The following PRC1 variants were observed in gnomAD, a reference collection of about 807,000 sequenced individuals.
PRC1 encodes the protein anaphase spindle elongation 1 homolog.
In PRC1, 54 loss-of-function variants were observed where a neutral mutation model predicts 91.2. The ratio of observed to expected loss-of-function variants is 0.59; its 90% CI spans 0.48 to 0.74. The LOEUF (loss-of-function observed/expected upper bound fraction) is 0.74. Among genes scored for constraint, PRC1 ranks in the 30% least tolerant of loss-of-function variants. The pLI, the probability that PRC1 is intolerant of heterozygous loss-of-function variation, is 0.00. For synonymous variants in PRC1, 275 were observed against 263.6 expected, an observed-to-expected ratio of 1.04 and a Z score of -0.42; for missense variants, 727 against 746.2, an observed-to-expected ratio of 0.97 and a Z score of 0.30.
intron 14 of PRC1, chr15:90,968,010 A>AAGAT: frequency 1.0e-6 from 1 of 985,234 alleles, no homozygotes; most frequent in Non-Finnish European, 1.2e-6. Context: ...AGAGCAGCAA[A>AAGAT]AGATAAAGCA....
chr15:90,979,660 C>G (rs1462961325), intron 7 of PRC1, among the ~76,000 whole-genome samples: 1 of 152,172 alleles, frequency 6.6e-6, no homozygotes, highest in African/African-American at 2.4e-5. Flanking sequence ...GTTGGGGTAG[C>G]TCCATCTTTA....
At chr15:90,975,868 G>A (rs1273303364) in intron 9 of PRC1, among the ~76,000 whole-genome samples, 2 of 152,104 alleles carry the variant, frequency 1.3e-5, no homozygotes, top group South Asian at 4.1e-4. Flanking sequence ...CATTAGGTGG[G>A]CCCTAATCTC....
At chr15:90,991,178 G>A in intron 1 of PRC1, among the ~76,000 whole-genome samples, 1 of 151,844 alleles carries the variant, frequency 6.6e-6, no homozygotes. Flanking sequence ...CACTTTGGGA[G>A]GCCAAGGCGG....
intron 1 of PRC1, among the ~76,000 whole-genome samples, chr15:90,985,564 C>CT (rs71154157): frequency 0.019 from 2,502 of 135,064 alleles, 46 homozygotes; most frequent in Non-Finnish European, 0.029. Flanking sequence ...TTTTTATTTT[C>CT]TTTTTTTTTT....
At chr15:90,982,723 G>C (rs1012593948) in intron 3 of PRC1, 3 of 152,296 alleles carry the variant, frequency 2.0e-5, no homozygotes, top group Non-Finnish European at 4.4e-5. Flanking sequence ...CTCCTGCCTG[G>C]ACAACACAGC....
intron 14 of PRC1, chr15:90,968,714 G>A: frequency 1.8e-6 from 2 of 1,107,838 alleles, no homozygotes; most frequent in Non-Finnish European, 2.2e-6. Context: ...CAGGCCAAGA[G>A]CCTCATTGTA....
chr15:90,966,872 G>C lies in PRC1; in HGVS notation c.*259C>G. On this transcript the variant is annotated 3_prime_UTR_variant, in exon 15 of 15. Coordinates refer to ENST00000394249, the MANE Select transcript of PRC1 (RefSeq NM_003981.4). ...GTAGAATTATGTGGTAGAGAAGTCAGGCCCCATATGCTAAAATTTGCACTT... is the reference window on the plus strand; with the variant it reads ...GTAGAATTATGTGGTAGAGAAGTCACGCCCCATATGCTAAAATTTGCACTT... The C allele has an allele frequency of 1.9e-6, 1 of 537,124 alleles. No homozygotes were observed. Among genetic ancestry groups the C allele is most frequent in the Non-Finnish European group, 3.3e-6 (1 of 298,634 alleles). 33.3% of individuals were successfully genotyped at this position (537,124 alleles called of 1,614,324 possible).
Position 90,969,112 on chromosome 15 carries a change from C to T in PRC1, c.1758G>A (p.Pro586=), listed in dbSNP as rs145879948. The stretch of plus-strand genomic sequence containing the variant: ...CAACAGTGGAACTGTCAGAGAGGGA[C>T]GGATCCTTCTAAGAACAAAGAATTA... ...ASTYSEFAKD[P]SLSDSSTVGL... The change falls in exon 14 of 15, where the codon CCG becomes CCA. Residue 586 remains proline (P), a synonymous_variant. Coordinates refer to ENST00000394249, the MANE Select transcript of PRC1 (RefSeq NM_003981.4). 5.4e-4 allele frequency: 874 copies of T among 1,613,366 alleles called. No homozygotes were observed. The highest frequency in any genetic ancestry group is 4.9e-4 in the Non-Finnish European group (574 of 1,179,480).
At chr15:90,992,673 T>G (rs1211771183) in intron 1 of PRC1, among the ~76,000 whole-genome samples, 1 of 151,678 alleles carries the variant, frequency 6.6e-6, no homozygotes, top group African/African-American at 2.4e-5. Context: ...CTGGCTAAAT[T>G]GTTTCAGATA....
chr15:90,980,470 T>A, intron 6 of PRC1, 81 bp from the exon 7 acceptor site: 1 of 1,404,662 alleles, frequency 7.1e-7, no homozygotes, highest in Non-Finnish European at 9.6e-7. Flanking sequence ...CCCTTTTAAG[T>A]AAAATTATAA....
chr15:90,983,198 A>G (rs1352772024), intron 3 of PRC1, among the ~76,000 whole-genome samples: 1 of 152,178 alleles, frequency 6.6e-6, no homozygotes, highest in Non-Finnish European at 1.5e-5. Flanking sequence ...GCTACCAAGT[A>G]TGAATTATCC....
intron 1 of PRC1, chr15:90,985,940 G>T (rs950244172): frequency 1.3e-5 from 2 of 152,100 alleles, no homozygotes; most frequent in Non-Finnish European, 2.9e-5. Context: ...CACCTGCCTC[G>T]GCCTCCCAAA....
At chr15:90,991,595 T>A (rs1162429505) in intron 1 of PRC1, among the ~76,000 whole-genome samples, 1 of 152,152 alleles carries the variant, frequency 6.6e-6, no homozygotes, top group Non-Finnish European at 1.5e-5. Context: ...CTTCCTAACA[T>A]TCAAATTGTA....
At chr15:90,993,456 CT>C in intron 1 of PRC1, among the ~76,000 whole-genome samples, 1 of 152,252 alleles carries the variant, frequency 6.6e-6, no homozygotes, top group Non-Finnish European at 1.5e-5. Flanking sequence ...TTTAAAAAGA[CT>C]GATCAGAATT....
intron 6 of PRC1, 179 bp from the exon 7 acceptor site, chr15:90,980,568 G>T: frequency 1.3e-6 from 1 of 767,652 alleles, no homozygotes; most frequent in Non-Finnish European, 2.0e-6. Context: ...GCCCAGACAG[G>T]AGTGCAGTGG....
rs1488029931 is a variant in PRC1, at chr15:90,990,427, T to C, written c.11+3980A>G. On this transcript the variant is annotated intron_variant, in intron 1 of 14. Transcript: ENST00000394249. ...TTTTTTAAGAGGTAGAGTCTCTCTA[T>C]GTTGCCCAAGCTGTTCTTGAACTCC... Among the ~76,000 whole-genome samples, 6 of 151,346 alleles carry C rather than the reference T, an allele frequency of 4.0e-5. No homozygotes were observed. The South Asian group carries it at 1.3e-3, about 32-fold the overall frequency.
chr15:90,987,001 C>T (rs149988032), intron 1 of PRC1, among the ~76,000 whole-genome samples: 167 of 150,680 alleles, frequency 1.1e-3, no homozygotes, highest in African/African-American at 3.7e-3. Flanking sequence ...TGGCCAGGCA[C>T]GGTAGTTCAC....
chr15:90,983,862 G>A (rs1323039772), intron 3 of PRC1, 156 bp downstream of exon 3: 3 of 978,854 alleles, frequency 3.1e-6, no homozygotes, highest in Non-Finnish European at 4.4e-6. Context: ...GAATTACTCT[G>A]CTGGGCCTAA....
intron 1 of PRC1, among the ~76,000 whole-genome samples, chr15:90,988,852 T>C (rs2039771022): frequency 6.6e-6 from 1 of 152,094 alleles, no homozygotes; most frequent in African/African-American, 2.4e-5. Flanking sequence ...TCCCAAAGGG[T>C]CCTATGCTCC....
Sources: gnomAD v4.1 joint callset for allele counts (sites outside exome capture counted in the v4.1 genomes callset) on GRCh38, gnomAD v4.1.1 for gene constraint, MANE v1.5 for transcripts, NCBI Gene and HGNC (gene_info 2026-07-23, HGNC 2026-07-21) for gene names.